ESRRG: variants seen among roughly 807,000 people sequenced by gnomAD.
ESRRG encodes estrogen-related receptor gamma.
A neutral mutation model predicts 44.0 loss-of-function variants in ESRRG; 13 were observed. The observed-to-expected ratio is 0.30, with a 90% CI of 0.19 to 0.47. The LOEUF is 0.47. ESRRG is among the 20% of genes least tolerant of loss of function. The pLI, the probability that ESRRG is intolerant of heterozygous loss-of-function variation, is 1.00. For synonymous variants in ESRRG, 215 were observed against 214.6 expected (o/e 1.00, Z -0.02); for missense variants, 395 against 580.6 (o/e 0.68, Z 3.29).
At chr1:216,530,046 A>T (rs542367743) in intron 5 of ESRRG, among the ~76,000 whole-genome samples, 1 of 146,906 alleles carries the variant, frequency 6.8e-6, no homozygotes, top group Non-Finnish European at 1.5e-5. Context: ...CAGGAGGCAA[A>T]TGTTGCAGTG....
intron 6 of ESRRG, among the ~76,000 whole-genome samples, chr1:216,509,175 A>G (rs1333824398): frequency 1.3e-5 from 2 of 152,232 alleles, no homozygotes; most frequent in Admixed American, 1.3e-4. Context: ...CTTCAAATCA[A>G]TAATGCTGCT....
intron 2 of ESRRG, among the ~76,000 whole-genome samples, chr1:216,793,760 T>C (rs1218694529): frequency 6.6e-6 from 1 of 152,194 alleles, no homozygotes; most frequent in Non-Finnish European, 1.5e-5. Flanking sequence ...AGGTTTTTGT[T>C]TTGTTTTGCT....
chr1:217,018,994 A>G (rs532271900), intron 1 of ESRRG, among the ~76,000 whole-genome samples: 1 of 152,332 alleles, frequency 6.6e-6, no homozygotes, highest in Admixed American at 6.5e-5. Flanking sequence ...CTTCATGAAT[A>G]AAAGTGCTTC....
intron 1 of ESRRG, among the ~76,000 whole-genome samples, chr1:217,031,655 T>C (rs1319085781): frequency 6.6e-6 from 1 of 152,210 alleles, no homozygotes; most frequent in Non-Finnish European, 1.5e-5. Context: ...TCATTTTGAA[T>C]TGTAGTTCTC....
chr1:216,726,275 C>A (rs2152100549), upstream of ESRRG, among the ~76,000 whole-genome samples: 1 of 152,236 alleles, frequency 6.6e-6, no homozygotes, highest in South Asian at 2.1e-4. Flanking sequence ...CTGTACAAGT[C>A]AAGGACCTAA....
chr1:216,512,206 T>C (rs1056495822), intron 6 of ESRRG, among the ~76,000 whole-genome samples: 1 of 152,148 alleles, frequency 6.6e-6, no homozygotes, highest in Non-Finnish European at 1.5e-5. Context: ...TATCTTGCAA[T>C]GAACAATACA....
At chr1:216,685,105 C>T (rs566409824) in intron 1 of ESRRG, among the ~76,000 whole-genome samples, 73 of 152,292 alleles carry the variant, frequency 4.8e-4, no homozygotes, top group Non-Finnish European at 6.6e-4. Flanking sequence ...GACTGAAGGG[C>T]TTTCGAACAG....
chr1:217,056,452 T>G (rs1299283211), intron 1 of ESRRG, among the ~76,000 whole-genome samples: 2 of 151,966 alleles, frequency 1.3e-5, no homozygotes, highest in Non-Finnish European at 2.9e-5. Context: ...AATGCAAAAG[T>G]ATGCAAGACT....
At chr1:217,052,828 G>A (rs1283748905) in intron 1 of ESRRG, among the ~76,000 whole-genome samples, 1 of 152,124 alleles carries the variant, frequency 6.6e-6, no homozygotes, top group Non-Finnish European at 1.5e-5. Context: ...GGGGCAGCTG[G>A]TTAAGAAATC....
intron 2 of ESRRG, among the ~76,000 whole-genome samples, chr1:216,916,380 A>G (rs2061167890): frequency 6.6e-6 from 1 of 152,218 alleles, no homozygotes; most frequent in Admixed American, 6.5e-5. Flanking sequence ...TACTTTTCAA[A>G]GTTCCTGTCA....
chr1:217,021,753 A>G (rs1253465071), intron 1 of ESRRG, among the ~76,000 whole-genome samples: 3 of 152,218 alleles, frequency 2.0e-5, no homozygotes, highest in Non-Finnish European at 4.4e-5. Flanking sequence ...GCAGCTACAA[A>G]GGATTGAACC....
intron 5 of ESRRG, among the ~76,000 whole-genome samples, chr1:216,520,316 CAGTA>C (rs1185292675): frequency 5.9e-5 from 9 of 152,132 alleles, no homozygotes; most frequent in African/African-American, 1.9e-4. Context: ...ACCTGAAATT[CAGTA>C]AGTGTTGTTG....
intron 1 of ESRRG, among the ~76,000 whole-genome samples, chr1:217,129,180 C>A (rs914684772): frequency 6.6e-6 from 1 of 152,196 alleles, no homozygotes; most frequent in Non-Finnish European, 1.5e-5. Context: ...ATCGTCAAGA[C>A]TCTGAATAGA....
At chr1:217,027,928 T>C (rs1174028265) in intron 1 of ESRRG, among the ~76,000 whole-genome samples, 2 of 152,212 alleles carry the variant, frequency 1.3e-5, no homozygotes, top group African/African-American at 2.4e-5. Context: ...CCAACCTCTA[T>C]GCCTACCAAG....
intron 2 of ESRRG, among the ~76,000 whole-genome samples, chr1:216,851,642 C>G (rs2095844778): frequency 6.6e-6 from 1 of 152,204 alleles, no homozygotes; most frequent in South Asian, 2.1e-4. Context: ...CTCAGACTTT[C>G]AGCCTCCAGA....
chr1:216,630,477 A>G (rs1244075150), intron 3 of ESRRG, among the ~76,000 whole-genome samples: 1 of 142,348 alleles, frequency 7.0e-6, no homozygotes, highest in South Asian at 2.2e-4. Context: ...CACACACACA[A>G]TTAAATCTTA....
At chr1:216,695,978 C>A (rs77484373) in intron 1 of ESRRG, among the ~76,000 whole-genome samples, 1 of 152,282 alleles carries the variant, frequency 6.6e-6, no homozygotes, top group South Asian at 2.1e-4. Flanking sequence ...CAACCTAGAT[C>A]GTTGAAGATG....
chr1:216,983,716 G>A (rs1410076379), intron 1 of ESRRG, among the ~76,000 whole-genome samples: 3 of 137,970 alleles, frequency 2.2e-5, no homozygotes, highest in Non-Finnish European at 4.6e-5. Context: ...GTGTGTGTGT[G>A]TGTGTAAACA....
intron 1 of ESRRG, among the ~76,000 whole-genome samples, chr1:217,027,494 T>C (rs1269107406): frequency 1.3e-5 from 2 of 152,182 alleles, no homozygotes; most frequent in Non-Finnish European, 2.9e-5. Flanking sequence ...TTCATAATGT[T>C]GTACACTTAA....
Sources: gnomAD v4.1 joint callset for allele counts (sites outside exome capture counted in the v4.1 genomes callset) on GRCh38, gnomAD v4.1.1 for gene constraint, MANE v1.5 for transcripts, NCBI Gene and HGNC (gene_info 2026-07-23, HGNC 2026-07-21) for gene names.